The following RANGAP1 variants were observed in gnomAD, a reference collection of about 807,000 sequenced individuals.
RANGAP1 encodes the protein Ran GTPase activating protein 1.
In RANGAP1, 38 loss-of-function variants were observed where a neutral mutation model predicts 63.5. The ratio of observed to expected loss-of-function variants is 0.60; its 90% CI spans 0.46 to 0.78. The LOEUF is 0.78. RANGAP1 is among the 30% of genes least tolerant of loss of function. The pLI is 0.00. For missense variants in RANGAP1, 630 were observed against 740.3 expected (o/e 0.85, Z 1.73); for synonymous variants, 329 against 310.5 (o/e 1.06, Z -0.63).
At chr22:41,282,802 T>C (rs1466199471) in intron 1 of RANGAP1, among the ~76,000 whole-genome samples, 1 of 152,208 alleles carries the variant, frequency 6.6e-6, no homozygotes, top group African/African-American at 2.4e-5. Flanking sequence ...TAGTGTTTAC[T>C]TTGTGGTATG....
intron 12 of RANGAP1, among the ~76,000 whole-genome samples, chr22:41,252,034 T>C (rs2033490737): frequency 6.6e-6 from 1 of 152,158 alleles, no homozygotes; most frequent in African/African-American, 2.4e-5. Context: ...CGCTTTCTTA[T>C]CTACAAAATA....
At chr22:41,271,014 C>T (rs573184583) in intron 3 of RANGAP1, among the ~76,000 whole-genome samples, 1 of 152,294 alleles carries the variant, frequency 6.6e-6, no homozygotes, top group Admixed American at 6.5e-5. Context: ...GCCATCACTC[C>T]CCCTCTCCAG....
At chr22:41,297,017 C>T in the RANGAP1 span, among the ~76,000 whole-genome samples, 4 of 152,268 alleles carry the variant, frequency 2.6e-5, no homozygotes, top group East Asian at 7.7e-4. Context: ...TCAAGGCCAA[C>T]CTGGTAAATA....
upstream of RANGAP1, among the ~76,000 whole-genome samples, chr22:41,289,265 G>C (rs1173524298): frequency 1.3e-5 from 2 of 151,986 alleles, no homozygotes; most frequent in Non-Finnish European, 2.9e-5. Context: ...GGGGAGACTG[G>C]GGTTTGAAAA....
At chr22:41,285,554 G>T (rs1466255338) in intron 1 of RANGAP1, 32 of 985,346 alleles carry the variant, frequency 3.2e-5, no homozygotes, top group Non-Finnish European at 3.9e-5. Context: ...ATCGATTCCA[G>T]GGACAGCGGC....
chr22:41,254,103 C>T (rs191510924), intron 11 of RANGAP1, among the ~76,000 whole-genome samples: 2 of 147,722 alleles, frequency 1.4e-5, no homozygotes, highest in Non-Finnish European at 3.0e-5. Context: ...AGTGAGACTC[C>T]ATCTCAAAAA....
intron 2 of RANGAP1, 96 bp from the exon 3 acceptor site, chr22:41,274,823 A>G: frequency 6.7e-7 from 1 of 1,485,322 alleles, no homozygotes; most frequent in East Asian, 2.3e-5. Context: ...TCAACAGTCT[A>G]TGGTGCACCT....
chr22:41,257,878 G>T lies in RANGAP1; in HGVS notation c.774+70C>A. 1 of 1,505,948 alleles carries T rather than the reference G, an allele frequency of 6.6e-7. No individual in the cohort carries two copies. Among genetic ancestry groups the T allele is most frequent in the Non-Finnish European group, 9.0e-7 (1 of 1,111,630 alleles). 93.3% of individuals were successfully genotyped at this position (1,505,948 alleles called of 1,614,324 possible). A position where few individuals can be genotyped will look rare whatever the true frequency, so the allele number is the denominator to read the frequency against. ...GGAGTCCCTGCTAAACGGAGCCCCA[G>T]CTTCCCTGGAAAGACAGCAGCCAGC... is the stretch of plus-strand genomic sequence containing the variant. On this transcript the variant is annotated intron_variant, in intron 7 of 15. Coordinates refer to ENST00000356244, the MANE Select transcript of RANGAP1 (RefSeq NM_002883.4). The surrounding 1 kb of genome is among the most constrained non-coding windows in gnomAD (Gnocchi z 4.0).
chr22:41,260,328 G>A (rs5751071), intron 6 of RANGAP1, among the ~76,000 whole-genome samples: 49,998 of 151,824 alleles, frequency 0.33, 8,885 homozygotes, highest in Admixed American at 0.52. Flanking sequence ...TGACGGCAGG[G>A]AGGGATCCAA....
chr22:41,268,826 G>A lies in RANGAP1; in HGVS notation c.241-670C>T, dbSNP rs145809428. Among the ~76,000 whole-genome samples, 295 of 151,976 alleles carry A rather than the reference G, an allele frequency of 1.9e-3. 2 individuals carry two copies. Among genetic ancestry groups the A allele is most frequent in the African/African-American group, 6.8e-3 (283 of 41,460 alleles). On this transcript the variant is annotated intron_variant, in intron 3 of 15. Transcript: ENST00000356244. ...TCCCAGCACTTTGGGAGGCCGAGGCGGGCAGATCACTTGAGGTCAGGAGTT... is the reference window on the plus strand; with the variant it reads ...TCCCAGCACTTTGGGAGGCCGAGGCAGGCAGATCACTTGAGGTCAGGAGTT...
At chr22:41,256,153 CT>C in intron 9 of RANGAP1, 37 bp downstream of exon 9, 1 of 1,613,874 alleles carries the variant, frequency 6.2e-7, no homozygotes, top group Non-Finnish European at 8.5e-7. Flanking sequence ...CAGGGCCAGC[CT>C]AGCAGACCTG....
chr22:41,246,571 G>C lies in RANGAP1; in HGVS notation c.*32C>G. On this transcript the variant is annotated 3_prime_UTR_variant, in exon 16 of 16. Transcript: ENST00000356244. ...ATCCGAGTCCCTCCCCAGCTCACTG[G>C]TCCAGGCCAAGGGATGGGAGAGGCT... 1 of 1,511,556 alleles carries C rather than the reference G, an allele frequency of 6.6e-7. No homozygotes were observed. Among genetic ancestry groups the C allele is most frequent in the Non-Finnish European group, 9.0e-7 (1 of 1,108,122 alleles). The allele number at this position is 1,511,556 out of a possible 1,614,324, so 93.6% of individuals were successfully genotyped here. A position where few individuals can be genotyped will look rare whatever the true frequency, so the allele number is the denominator to read the frequency against.
At chr22:41,283,465 C>T (rs1047595866) in intron 1 of RANGAP1, among the ~76,000 whole-genome samples, 5 of 152,016 alleles carry the variant, frequency 3.3e-5, no homozygotes, top group South Asian at 2.1e-4. Context: ...GCCAAGATCG[C>T]GCCATTGCAT....
At chr22:41,263,483 C>G (rs2034289291) in intron 5 of RANGAP1, among the ~76,000 whole-genome samples, 1 of 152,194 alleles carries the variant, frequency 6.6e-6, no homozygotes, top group Admixed American at 6.5e-5. Context: ...CTCCCGGGTT[C>G]GAGCAATTCT....
At chr22:41,260,106 T>A (rs1449826703) in intron 6 of RANGAP1, among the ~76,000 whole-genome samples, 1 of 152,140 alleles carries the variant, frequency 6.6e-6, no homozygotes, top group African/African-American at 2.4e-5. Context: ...ATTGTCTACA[T>A]TTATAATCAA....
Position 41,276,913 on chromosome 22 carries a change from G to C in RANGAP1, c.113-2186C>G, listed in dbSNP as rs562178701. On this transcript the variant is annotated intron_variant, in intron 2 of 15. Coordinates refer to ENST00000356244, the MANE Select transcript of RANGAP1 (RefSeq NM_002883.4). ...CATAATTGCTTGAACTGGGACCCAGGAGGCGGAGGTAGCAGTGAGCGAGAT... is the reference window on the plus strand; with the variant it reads ...CATAATTGCTTGAACTGGGACCCAGCAGGCGGAGGTAGCAGTGAGCGAGAT... 3.7e-4 allele frequency among the ~76,000 whole-genome samples: 56 copies of C among 150,442 alleles called. 1 individual carries two copies. In the East Asian group the frequency reaches 6.2e-3, roughly 17 times the overall value.
intron 2 of RANGAP1, 80 bp from the exon 3 acceptor site, chr22:41,274,807 T>C: frequency 6.4e-7 from 1 of 1,571,194 alleles, no homozygotes; most frequent in Non-Finnish European, 8.7e-7. Flanking sequence ...GCAACCACCT[T>C]GCCACTCAAC....
At chr22:41,296,647 C>CAAA in the RANGAP1 span, among the ~76,000 whole-genome samples, 2 of 76,844 alleles carry the variant, frequency 2.6e-5, no homozygotes, top group African/African-American at 4.9e-5. Context: ...ACTCCATCTC[C>CAAA]AAAAAAAAAA....
chr22:41,296,140 A>G, the RANGAP1 span, among the ~76,000 whole-genome samples: 4 of 151,886 alleles, frequency 2.6e-5, no homozygotes, highest in Non-Finnish European at 4.4e-5. Flanking sequence ...GAAGATGTAA[A>G]AAGTTCTACT....
Sources: gnomAD v4.1 joint callset for allele counts (sites outside exome capture counted in the v4.1 genomes callset) on GRCh38, gnomAD v4.1.1 for gene constraint, Gnocchi (gnomAD v3.1) non-coding constraint, MANE v1.5 for transcripts, NCBI Gene and HGNC (gene_info 2026-07-23, HGNC 2026-07-21) for gene names.